Variants in CALD1 observed in about 807,000 individuals in gnomAD.
The protein encoded by CALD1 is caldesmon 1.
In CALD1, 33 loss-of-function variants were observed where a neutral mutation model predicts 99.9. The observed-to-expected ratio is 0.33, with a 90% CI of 0.25 to 0.44. The LOEUF (loss-of-function observed/expected upper bound fraction) is 0.44, where lower values mean the gene tolerates loss of function less well. CALD1 is among the 20% of genes least tolerant of loss of function. The pLI is 1.00. For synonymous variants in CALD1, 310 were observed against 325.0 expected (o/e 0.95, Z 0.50); for missense variants, 861 against 962.1 (o/e 0.89, Z 1.39).
chr7:134,927,168 C>CAT (rs1015715353), intron 3 of CALD1, among the ~76,000 whole-genome samples: 108 of 152,224 alleles, frequency 7.1e-4, no homozygotes, highest in African/African-American at 2.6e-3. Flanking sequence ...CTAAGTCAAA[C>CAT]GTGTCAAAAT....
intron 1 of CALD1, chr7:134,822,030 C>T (rs574378144): frequency 5.3e-5 from 8 of 152,090 alleles, no homozygotes; most frequent in Non-Finnish European, 7.4e-5. Flanking sequence ...TGTGGCACAC[C>T]GACCTCTCTT....
chr7:134,920,513 T>C, intron 3 of CALD1: 3 of 1,158,470 alleles, frequency 2.6e-6, no homozygotes, highest in Non-Finnish European at 3.2e-6. Context: ...GCATTCTTCT[T>C]TGGGGTGTGG....
intron 1 of CALD1, among the ~76,000 whole-genome samples, chr7:134,774,182 AG>A (rs1796899772): frequency 6.7e-6 from 1 of 148,586 alleles, no homozygotes; most frequent in Admixed American, 6.8e-5. Context: ...AAAAAAAAAA[AG>A]AGTGAGGTAC....
upstream of CALD1, among the ~76,000 whole-genome samples, chr7:134,743,781 A>G (rs1796610457): frequency 6.6e-6 from 1 of 152,226 alleles, no homozygotes; most frequent in Admixed American, 6.5e-5. Flanking sequence ...TGAGATTTGC[A>G]TGACTTTACT....
At chr7:134,756,136 C>T (rs1796725824) in intron 1 of CALD1, among the ~76,000 whole-genome samples, 1 of 151,692 alleles carries the variant, frequency 6.6e-6, no homozygotes, top group Admixed American at 6.6e-5. Flanking sequence ...GGTGATCCAC[C>T]CGCCACGGCC....
At chr7:134,827,304 T>C (rs1586044124) in intron 1 of CALD1, among the ~76,000 whole-genome samples, 1 of 152,160 alleles carries the variant, frequency 6.6e-6, no homozygotes, top group South Asian at 2.1e-4. Context: ...GGGTATTCAT[T>C]TGCTACATTC....
intron 3 of CALD1, among the ~76,000 whole-genome samples, chr7:134,918,044 G>A (rs146261068): frequency 7.1e-4 from 108 of 152,210 alleles, no homozygotes; most frequent in African/African-American, 2.5e-3. Context: ...GGGTAGATGG[G>A]GTGGTGCAAA....
chr7:134,889,485 C>T (rs1256995501), intron 3 of CALD1, among the ~76,000 whole-genome samples: 1 of 152,214 alleles, frequency 6.6e-6, no homozygotes, highest in Admixed American at 6.5e-5. Flanking sequence ...TTCATCATAT[C>T]GACAAGGTCC....
intron 2 of CALD1, among the ~76,000 whole-genome samples, chr7:134,860,519 T>A (rs1027210446): frequency 7.2e-5 from 11 of 152,190 alleles, no homozygotes; most frequent in African/African-American, 2.2e-4. Flanking sequence ...ATGAATTGGC[T>A]TGAGTTACAT....
chr7:134,885,978 G>T (rs909561914), intron 3 of CALD1, among the ~76,000 whole-genome samples: 1 of 152,130 alleles, frequency 6.6e-6, no homozygotes, highest in African/African-American at 2.4e-5. Context: ...TTTCAAGTTG[G>T]AGGGCAGAAA....
chr7:134,775,926 C>T (rs1443865988), upstream of CALD1, among the ~76,000 whole-genome samples: 4 of 152,108 alleles, frequency 2.6e-5, 1 homozygote, highest in African/African-American at 9.7e-5. Flanking sequence ...TGAATAGCAT[C>T]TTTTTCCACT....
chr7:134,758,359 A>G (rs1461828113), intron 1 of CALD1, among the ~76,000 whole-genome samples: 1 of 152,264 alleles, frequency 6.6e-6, no homozygotes, highest in Non-Finnish European at 1.5e-5. Context: ...TTTATAACAT[A>G]TATAATCAAC....
At chr7:134,836,099 C>T (rs1188720456) in intron 1 of CALD1, among the ~76,000 whole-genome samples, 7 of 147,474 alleles carry the variant, frequency 4.7e-5, no homozygotes, top group Admixed American at 2.8e-4. Flanking sequence ...GAGCTGAGAT[C>T]GCGTCACTGC....
chr7:134,893,474 C>G (rs1586224225), intron 3 of CALD1, among the ~76,000 whole-genome samples: 2 of 152,172 alleles, frequency 1.3e-5, no homozygotes, highest in Admixed American at 1.3e-4. Context: ...GAAATGCACA[C>G]AGGGATGTCG....
chr7:134,753,923 A>T (rs969711135), intron 1 of CALD1, among the ~76,000 whole-genome samples: 2 of 152,176 alleles, frequency 1.3e-5, no homozygotes, highest in Non-Finnish European at 2.9e-5. Flanking sequence ...AAGCTCCCCT[A>T]GCTGCATTGA....
At chr7:134,731,184 C>T in the CALD1 span, among the ~76,000 whole-genome samples, 1 of 152,150 alleles carries the variant, frequency 6.6e-6, no homozygotes, top group African/African-American at 2.4e-5. Flanking sequence ...CTCTCTCTTA[C>T]CCTCTCTTTG....
intron 3 of CALD1, among the ~76,000 whole-genome samples, chr7:134,896,557 A>G (rs576058254): frequency 6.6e-6 from 1 of 152,248 alleles, no homozygotes; most frequent in Admixed American, 6.5e-5. Context: ...GGTGGTCTTG[A>G]CCTTCTGTAT....
intron 1 of CALD1, among the ~76,000 whole-genome samples, chr7:134,790,082 G>GGAGAGAGAGAGA (rs56962467): frequency 1.2e-3 from 166 of 142,314 alleles, no homozygotes; most frequent in African/African-American, 3.9e-3. Flanking sequence ...AAAGAAATAA[G>GGAGAGAGAGAGA]GAGAGAGAGA....
chr7:134,729,263 G>C, the CALD1 span, among the ~76,000 whole-genome samples: 3 of 152,164 alleles, frequency 2.0e-5, no homozygotes, highest in African/African-American at 7.2e-5. Context: ...CTTCATACAA[G>C]CCCTATCATA....
Sources: allele counts gnomAD v4.1 joint callset (sites outside exome capture counted in the v4.1 genomes callset), GRCh38; gene constraint gnomAD v4.1.1; transcripts MANE v1.5; gene names NCBI Gene and HGNC (gene_info 2026-07-23, HGNC 2026-07-21).